BMP2K: variants seen among roughly 807,000 people sequenced by gnomAD.
BMP2K encodes the protein BMP-2-inducible protein kinase.
BMP2K carries 74 observed loss-of-function variants against 116.0 expected under a neutral mutation model. That is an observed-to-expected ratio of 0.64 (90% CI 0.53 to 0.77). The LOEUF is 0.77. Ranked by LOEUF, BMP2K falls within the 30% of genes least tolerant of loss-of-function variation. BMP2K has a pLI of 0.00. For synonymous variants in BMP2K, 486 were observed against 502.5 expected (o/e 0.97, Z 0.44); for missense variants, 1,365 against 1,403.6 (o/e 0.97, Z 0.44).
At position 78,916,129 on chromosome 4, in the gene BMP2K, T is replaced by C. The variant is rs1252232378; in HGVS notation, c.*4096T>C. 4 of 151,948 alleles carry C rather than the reference T, an allele frequency of 2.6e-5. No individual in the cohort carries two copies. The highest frequency in any genetic ancestry group is 4.8e-5 in the African/African-American group (2 of 41,438). The allele number at this position is 151,948 out of a possible 1,614,324, so 9.4% of individuals were successfully genotyped here. Reference sequence around the variant, plus strand: ...CTCAAATATAGCTGGGAAACAATTATGAGATAGACTCAGTCTCCCCCTCCC... The same window carrying C: ...CTCAAATATAGCTGGGAAACAATTACGAGATAGACTCAGTCTCCCCCTCCC... On this transcript the variant is annotated 3_prime_UTR_variant, in exon 16 of 16. Transcript: ENST00000502613.
chr4:78,850,580 A>C lies in BMP2K; in HGVS notation c.751-344A>C, dbSNP rs1731200492. On this transcript the variant is annotated intron_variant, in intron 6 of 15. Transcript: ENST00000502613. ...ATGCTTAAAAATGCTGTTAAAGAAG[A>C]AGCTTTATACTTTGTTGGTTATATG... is the stretch of plus-strand genomic sequence containing the variant. Among the ~76,000 whole-genome samples, 3 of 152,008 alleles carry C rather than the reference A, an allele frequency of 2.0e-5. No homozygotes were observed. In the South Asian group the frequency reaches 6.2e-4, roughly 31 times the overall value.
At chr4:78,834,407 G>T (rs1371953743) in intron 3 of BMP2K, among the ~76,000 whole-genome samples, 1 of 150,978 alleles carries the variant, frequency 6.6e-6, no homozygotes, top group Admixed American at 6.6e-5. Context: ...GACTACAGGT[G>T]CCCGCCACGA....
At position 78,826,899 on chromosome 4, in the gene BMP2K, G is replaced by T. The variant is rs115438197; in HGVS notation, c.297+744G>T. Among the ~76,000 whole-genome samples the T allele has an allele frequency of 6.5e-3, 991 of 152,170 alleles. 13 individuals carry two copies. The highest frequency in any genetic ancestry group is 0.023 in the African/African-American group (945 of 41,480). ...TAAGAAATTAAACCCTACAAATACT[G>T]CTGGAGCCTTCTTTGTGTGCCTTCT... On this transcript the variant is annotated intron_variant, in intron 2 of 15. Coordinates refer to ENST00000502613, the MANE Select transcript of BMP2K (RefSeq NM_198892.2).
intron 1 of BMP2K, among the ~76,000 whole-genome samples, chr4:78,795,796 C>G (rs1311023182): frequency 6.6e-6 from 1 of 152,184 alleles, no homozygotes; most frequent in African/African-American, 2.4e-5. Flanking sequence ...AAATACTCAT[C>G]ATCTCACTGG....
chr4:78,820,219 A>G (rs2109988552), intron 1 of BMP2K, among the ~76,000 whole-genome samples: 1 of 152,360 alleles, frequency 6.6e-6, no homozygotes, highest in South Asian at 2.1e-4. Context: ...TAATAATAGT[A>G]TTAGCTTACT....
intron 10 of BMP2K, 176 bp downstream of exon 10, chr4:78,865,896 GT>G: frequency 4.7e-6 from 3 of 637,790 alleles, no homozygotes; most frequent in Non-Finnish European, 5.2e-6. Context: ...TTCAATTGTT[GT>G]AGGCAAAGGG....
intron 15 of BMP2K, among the ~76,000 whole-genome samples, chr4:78,908,289 A>T (rs1440289170): frequency 6.6e-6 from 1 of 152,212 alleles, no homozygotes; most frequent in Non-Finnish European, 1.5e-5. Context: ...GACCAGATCC[A>T]GTGGCCATTT....
intron 14 of BMP2K, among the ~76,000 whole-genome samples, chr4:78,882,736 A>C (rs1732923543): frequency 6.6e-6 from 1 of 152,012 alleles, no homozygotes; most frequent in Non-Finnish European, 1.5e-5. Context: ...AATTGGATCA[A>C]AATAACTAAA....
At position 78,782,339 on chromosome 4, in the gene BMP2K, A is replaced by G. The variant is rs144596634; in HGVS notation, c.178+5618A>G. ...CTGTTCCTCTGTCATCTCCACTACC[A>G]GATAGTAAAATTCTTAAGGCTAGAC... On this transcript the variant is annotated intron_variant, in intron 1 of 15. Transcript: ENST00000502613. Among the ~76,000 whole-genome samples, 763 of 152,350 alleles carry G rather than the reference A, an allele frequency of 5.0e-3. 4 individuals are homozygous for G. Among genetic ancestry groups the G allele is most frequent in the Middle Eastern group, 0.01 (3 of 294 alleles).
At chr4:78,846,262 C>A (rs1156983059) in intron 5 of BMP2K, among the ~76,000 whole-genome samples, 1 of 151,330 alleles carries the variant, frequency 6.6e-6, no homozygotes, top group African/African-American at 2.4e-5. Flanking sequence ...TATTAAGGGC[C>A]AACACTTTTT....
chr4:78,887,052 A>C, intron 14 of BMP2K, 122 bp from the exon 15 acceptor site: 1 of 650,432 alleles, frequency 1.5e-6, no homozygotes, highest in Non-Finnish European at 2.6e-6. Flanking sequence ...TTCTGAACCT[A>C]ATGTTTTGCA....
intron 3 of BMP2K, 54 bp downstream of exon 3, chr4:78,833,741 T>C: frequency 8.4e-7 from 1 of 1,185,012 alleles, no homozygotes; most frequent in Non-Finnish European, 1.2e-6. Flanking sequence ...TTAAATGGGT[T>C]ACTAGGTATC....
At chr4:78,852,168 A>T (rs1731284395) in intron 7 of BMP2K, among the ~76,000 whole-genome samples, 1 of 151,956 alleles carries the variant, frequency 6.6e-6, no homozygotes, top group Non-Finnish European at 1.5e-5. Context: ...GTGTGTATGT[A>T]ATGTGGGAGT....
At chr4:78,799,078 A>T (rs1183721011) in intron 1 of BMP2K, among the ~76,000 whole-genome samples, 1 of 152,252 alleles carries the variant, frequency 6.6e-6, no homozygotes, top group Non-Finnish European at 1.5e-5. Context: ...TTCTGAAAAG[A>T]CAGGGCAACA....
At chr4:78,857,675 G>A (rs896802340) in intron 7 of BMP2K, among the ~76,000 whole-genome samples, 6 of 152,010 alleles carry the variant, frequency 3.9e-5, no homozygotes, top group African/African-American at 7.2e-5. Context: ...TACTGATAGC[G>A]TGTTTAAAAC....
At position 78,870,998 on chromosome 4, in the gene BMP2K, C is replaced by T; in HGVS notation, c.1447C>T (p.Gln483Ter). 1 of 1,591,372 alleles carries T rather than the reference C, an allele frequency of 6.3e-7. No individual in the cohort carries two copies. Among genetic ancestry groups the T allele is most frequent in the Non-Finnish European group, 8.6e-7 (1 of 1,164,822 alleles). The change falls in exon 11 of 16, where the codon CAG (glutamine) becomes TAG (stop). Residue 483 changes from glutamine (Q) to a stop codon, truncating the protein, a stop_gained. Transcript: ENST00000502613. LOFTEE classifies it high-confidence loss of function. ...GCAACAGCAACAGCAGCAGCAGCAG[C>T]AGCAGCAGCAGCACCACCACCACCA... ...QQQQQQQQQQ[Q>*]QQQHHHHHHH...
chr4:78,820,940 A>G (rs1578495535), intron 1 of BMP2K: 1 of 152,496 alleles, frequency 6.6e-6, no homozygotes, highest in East Asian at 1.9e-4. Flanking sequence ...CCCTAATTTT[A>G]TCTTCTAGCT....
chr4:78,778,071 T>C (rs1344313786), intron 1 of BMP2K, among the ~76,000 whole-genome samples: 1 of 152,222 alleles, frequency 6.6e-6, no homozygotes, highest in Non-Finnish European at 1.5e-5. Context: ...GTTTAGATTG[T>C]GTTGTAGGTT....
intron 1 of BMP2K, among the ~76,000 whole-genome samples, chr4:78,786,405 A>ATGTGTGTGTGTGTGTGTGTGTG (rs34288286): frequency 6.7e-5 from 9 of 134,290 alleles, no homozygotes; most frequent in African/African-American, 1.7e-4. Flanking sequence ...AAGCCACCCA[A>ATGTGTGTGTGTGTGTGTGTGTG]TGTGTGTGTG....
Sources: allele counts gnomAD v4.1 joint callset (sites outside exome capture counted in the v4.1 genomes callset), GRCh38; gene constraint gnomAD v4.1.1; transcripts MANE v1.5; gene names NCBI Gene and HGNC (gene_info 2026-07-23, HGNC 2026-07-21).